The following ERC2 variants were observed in gnomAD, a reference collection of about 807,000 sequenced individuals.
ERC2 encodes ELKS/RAB6-interacting/CAST family member 2.
A neutral mutation model predicts 114.8 loss-of-function variants in ERC2; 42 were observed. That is an observed-to-expected ratio of 0.37 (90% CI 0.29 to 0.47). The LOEUF is 0.47. Among genes scored for constraint, ERC2 ranks in the 20% least tolerant of loss-of-function variants. The pLI, the probability that ERC2 is intolerant of heterozygous loss-of-function variation, is 0.99. For missense variants in ERC2, 939 were observed against 1,150.7 expected, an observed-to-expected ratio of 0.82 and a Z score of 2.66; for synonymous variants, 454 against 425.5, an observed-to-expected ratio of 1.07 and a Z score of -0.82.
At chr3:55,563,585 G>C (rs1430555241) in intron 17 of ERC2, among the ~76,000 whole-genome samples, 1 of 152,204 alleles carries the variant, frequency 6.6e-6, no homozygotes, top group Non-Finnish European at 1.5e-5. Context: ...CTGAGAGAGA[G>C]AGACAGAGAC....
intron 1 of ERC2, among the ~76,000 whole-genome samples, chr3:56,442,159 T>A (rs1290773097): frequency 2.6e-5 from 4 of 152,108 alleles, no homozygotes; most frequent in Admixed American, 2.6e-4. Context: ...ACAAAAAAAA[T>A]CCCGAATTAC....
chr3:55,683,405 C>A (rs930908717), intron 17 of ERC2, among the ~76,000 whole-genome samples: 4 of 152,226 alleles, frequency 2.6e-5, no homozygotes, highest in African/African-American at 9.7e-5. Context: ...TCACACCACA[C>A]TGGCATATCT....
At chr3:56,032,040 T>C (rs901330638) in intron 7 of ERC2, among the ~76,000 whole-genome samples, 1 of 152,156 alleles carries the variant, frequency 6.6e-6, no homozygotes, top group Admixed American at 6.5e-5. Context: ...TGAGAACTGG[T>C]TGTTTAAGAG....
intron 12 of ERC2, among the ~76,000 whole-genome samples, chr3:55,982,903 G>A (rs1166258341): frequency 1.3e-5 from 2 of 152,212 alleles, no homozygotes; most frequent in African/African-American, 4.8e-5. Context: ...CAGCTTTGGG[G>A]AAACATCACA....
intron 3 of ERC2, among the ~76,000 whole-genome samples, chr3:56,270,313 G>A (rs1260769154): frequency 6.6e-6 from 1 of 152,198 alleles, no homozygotes; most frequent in East Asian, 1.9e-4. Context: ...TTTCCCAAGA[G>A]AGTAGATACT....
chr3:55,873,287 T>C (rs1575958379), intron 14 of ERC2, among the ~76,000 whole-genome samples: 1 of 152,140 alleles, frequency 6.6e-6, no homozygotes, highest in Non-Finnish European at 1.5e-5. Context: ...GGCAGGGTGG[T>C]GCCATTGTTA....
intron 2 of ERC2, among the ~76,000 whole-genome samples, chr3:56,413,952 A>G (rs1050701555): frequency 6.6e-6 from 1 of 152,210 alleles, no homozygotes; most frequent in Admixed American, 6.5e-5. Flanking sequence ...CAATATAAAA[A>G]TCCAAGGTAG....
chr3:56,027,066 G>A (rs1352585394), intron 7 of ERC2, among the ~76,000 whole-genome samples: 3 of 152,218 alleles, frequency 2.0e-5, no homozygotes, highest in Admixed American at 2.0e-4. Flanking sequence ...AAGTCACACA[G>A]TATGTAACCT....
At chr3:56,110,562 TACATACAACATA>T (rs2078906176) in intron 6 of ERC2, among the ~76,000 whole-genome samples, 3 of 152,178 alleles carry the variant, frequency 2.0e-5, no homozygotes, top group Non-Finnish European at 2.9e-5. Flanking sequence ...TAATATAATG[TACATACAACATA>T]ACAAAGTCCC....
At chr3:55,749,434 G>C (rs1244642832) in intron 14 of ERC2, among the ~76,000 whole-genome samples, 2 of 152,154 alleles carry the variant, frequency 1.3e-5, no homozygotes, top group African/African-American at 4.8e-5. Context: ...TGAGAGGTGA[G>C]GCCAGCTGGA....
At chr3:55,824,923 G>T (rs958919188) in intron 14 of ERC2, among the ~76,000 whole-genome samples, 1 of 152,148 alleles carries the variant, frequency 6.6e-6, no homozygotes, top group Non-Finnish European at 1.5e-5. Context: ...TACAGAACAT[G>T]TTCATTCATT....
chr3:55,842,505 A>G (rs558600067), intron 14 of ERC2, among the ~76,000 whole-genome samples: 1 of 152,108 alleles, frequency 6.6e-6, no homozygotes, highest in Non-Finnish European at 1.5e-5. Context: ...CTCAAGTTTA[A>G]CTAGTTATTT....
chr3:56,081,048 G>T, intron 6 of ERC2, 64 bp from the exon 7 acceptor site: 1 of 1,562,282 alleles, frequency 6.4e-7, no homozygotes, highest in African/African-American at 1.4e-5. Flanking sequence ...ACCATCAATT[G>T]TGCCCTTTGA....
At chr3:55,807,711 TG>T (rs1222117103) in intron 14 of ERC2, among the ~76,000 whole-genome samples, 1 of 152,196 alleles carries the variant, frequency 6.6e-6, no homozygotes, top group Non-Finnish European at 1.5e-5. Flanking sequence ...ATGGATAACG[TG>T]GTCTAGAACT....
intron 3 of ERC2, among the ~76,000 whole-genome samples, chr3:56,192,071 A>C (rs2047823157): frequency 6.6e-6 from 1 of 152,210 alleles, no homozygotes; most frequent in Non-Finnish European, 1.5e-5. Flanking sequence ...GAGAAAACTA[A>C]GTGACTGGCC....
chr3:56,265,378 T>C (rs1443845391), intron 3 of ERC2, among the ~76,000 whole-genome samples: 2 of 152,124 alleles, frequency 1.3e-5, no homozygotes, highest in Non-Finnish European at 2.9e-5. Flanking sequence ...CAATAAATGC[T>C]ATTGGGGAAA....
chr3:56,450,781 T>C (rs370617573), intron 1 of ERC2, among the ~76,000 whole-genome samples: 32 of 152,234 alleles, frequency 2.1e-4, no homozygotes, highest in African/African-American at 4.6e-4. Flanking sequence ...CAGGGAGCTA[T>C]GATCACGCCG....
At chr3:55,765,982 C>T (rs2067753433) in intron 14 of ERC2, among the ~76,000 whole-genome samples, 1 of 152,186 alleles carries the variant, frequency 6.6e-6, no homozygotes, top group Non-Finnish European at 1.5e-5. Flanking sequence ...AAACATGGCT[C>T]AAGGATACTG....
At chr3:56,376,128 T>G (rs550847516) in intron 2 of ERC2, among the ~76,000 whole-genome samples, 3 of 152,314 alleles carry the variant, frequency 2.0e-5, no homozygotes, top group Non-Finnish European at 4.4e-5. Context: ...AGCTAGAGGA[T>G]GCAGCTAAGC....
Sources: allele counts gnomAD v4.1 joint callset (sites outside exome capture counted in the v4.1 genomes callset), GRCh38; gene constraint gnomAD v4.1.1; transcripts MANE v1.5; gene names NCBI Gene and HGNC (gene_info 2026-07-23, HGNC 2026-07-21).